Variants in ALG10B observed in about 807,000 individuals in gnomAD.
ALG10B encodes the protein dol-P-Glc:Glc(2)Man(9)GlcNAc(2)-PP-Dol alpha-1,2-glucosyltransferase B.
Under a neutral mutation model 38.7 loss-of-function variants are expected in ALG10B, and 27 were observed. That is an observed-to-expected ratio of 0.70 (90% CI 0.51 to 0.96). ALG10B has a LOEUF of 0.96. Ranked by LOEUF, ALG10B falls within the 40% of genes least tolerant of loss-of-function variation. ALG10B has a pLI of 0.00. For missense variants in ALG10B, 522 were observed against 542.7 expected, an observed-to-expected ratio of 0.96 and a Z score of 0.38; for synonymous variants, 177 against 193.3, an observed-to-expected ratio of 0.92 and a Z score of 0.70.
Position 38,323,815 on chromosome 12 carries a change from A to T in ALG10B, c.*2602A>T. 1.4e-6 allele frequency: 1 copy of T among 692,654 alleles called. No homozygotes were observed. The highest frequency in any genetic ancestry group is 2.6e-6 in the Non-Finnish European group (1 of 381,206). The allele number at this position is 692,654 out of a possible 1,614,324, so 42.9% of individuals were successfully genotyped here. ...TTTTGTCATTAATTTACTATAGTGG[A>T]GAACTAAATCTGGGAAGTCAAAATT... On this transcript the variant is annotated 3_prime_UTR_variant, in exon 3 of 3. Transcript: ENST00000308742.
chr12:38,326,949 T>A lies in ALG10B; in HGVS notation c.*5736T>A, dbSNP rs1945749480. ...GATAAATTTTTGATGAATTTAATGT[T>A]AATTAAATTTTATCTCAGCCTATCA... On this transcript the variant is annotated 3_prime_UTR_variant, in exon 3 of 3. Transcript: ENST00000308742. 3.3e-5 allele frequency: 5 copies of A among 151,344 alleles called. No individual in the cohort carries two copies. In the South Asian group the frequency reaches 1.0e-3, roughly 31 times the overall value. 9.4% of individuals were successfully genotyped at this position (151,344 alleles called of 1,614,324 possible).
At position 38,323,540 on chromosome 12, in the gene ALG10B, ATTAC is replaced by A. The variant is rs1490652081; in HGVS notation, c.*2330_*2333del. 1 of 190,084 alleles carries A rather than the reference ATTAC, an allele frequency of 5.3e-6. No homozygotes were observed. The highest frequency in any genetic ancestry group is 1.1e-5 in the Non-Finnish European group (1 of 92,388). 11.8% of individuals were successfully genotyped at this position (190,084 alleles called of 1,614,324 possible). On this transcript the variant is annotated 3_prime_UTR_variant, in exon 3 of 3. Transcript: ENST00000308742. The stretch of plus-strand genomic sequence containing the variant: ...TTTAAAAGTAGCTATAAGTGAACAA[ATTAC>A]TTTCCCCTCAATGTCAAATTTTGCT...
Position 38,320,886 on chromosome 12 carries a change from A to G in ALG10B, c.1095A>G (p.Arg365=), listed in dbSNP as rs147370346. The G allele has an allele frequency of 1.2e-6, 2 of 1,613,638 alleles. No individual in the cohort carries two copies. Among genetic ancestry groups the G allele is most frequent in the African/African-American group, 2.7e-5 (2 of 74,888 alleles). The change falls in exon 3 of 3, where the codon AGA becomes AGG. Residue 365 remains arginine, a synonymous_variant. Coordinates refer to ENST00000308742, the MANE Select transcript of ALG10B (RefSeq NM_001013620.4). ...ATGTGTGGAAAAGAGTTTTTCAAAG[A>G]TATGCAATTCTGAAATATTTGTTAG... is the stretch of plus-strand genomic sequence containing the variant. ...TFYVWKRVFQ[R]YAILKYLLVP...
At position 38,321,345 on chromosome 12, in the gene ALG10B, T is replaced by A. The variant is rs1235226586; in HGVS notation, c.*132T>A. On this transcript the variant is annotated 3_prime_UTR_variant, in exon 3 of 3. Transcript: ENST00000308742. ...GGTCCTCAAATTACATTAGTTTTTT[T>A]AATATATATTTTAAACATATGTAAG... is the stretch of plus-strand genomic sequence containing the variant. 4 of 900,590 alleles carry A rather than the reference T, an allele frequency of 4.4e-6. No individual in the cohort carries two copies. Among genetic ancestry groups the A allele is most frequent in the East Asian group, 2.9e-5 (1 of 34,896 alleles). 55.8% of individuals were successfully genotyped at this position (900,590 alleles called of 1,614,324 possible).
chr12:38,322,203 T>C lies in ALG10B; in HGVS notation c.*990T>C, dbSNP rs1449098682. On this transcript the variant is annotated 3_prime_UTR_variant, in exon 3 of 3. Transcript: ENST00000308742. ...TTGCAGACAGCAATCTTCACTCCAG[T>C]CTCTGCCTCTGCGTTCACACGGCCT... The C allele has an allele frequency of 1.3e-5, 2 of 152,214 alleles. No individual in the cohort carries two copies. The highest frequency in any genetic ancestry group is 4.8e-5 in the African/African-American group (2 of 41,454). The allele number at this position is 152,214 out of a possible 1,614,324, so 9.4% of individuals were successfully genotyped here.
At position 38,325,079 on chromosome 12, in the gene ALG10B, C is replaced by T. The variant is rs1236570844; in HGVS notation, c.*3866C>T. The T allele has an allele frequency of 2.0e-5, 3 of 152,066 alleles. No individual in the cohort carries two copies. The highest frequency in any genetic ancestry group is 1.3e-4 in the Admixed American group (2 of 15,264). 9.4% of individuals were successfully genotyped at this position (152,066 alleles called of 1,614,324 possible). The stretch of plus-strand genomic sequence containing the variant: ...ATCTTTAGGTAGCATGAGTAAGATT[C>T]AGGTATGCTGTGAATTTTGTTAACG... On this transcript the variant is annotated 3_prime_UTR_variant, in exon 3 of 3. Coordinates refer to ENST00000308742, the MANE Select transcript of ALG10B (RefSeq NM_001013620.4).
rs1378459896 is a variant in ALG10B, at chr12:38,329,329, A to ATAC, written c.*8117_*8119dup. 1 of 397,310 alleles carries ATAC rather than the reference A, an allele frequency of 2.5e-6. No homozygotes were observed. The highest frequency in any genetic ancestry group is 2.1e-5 in the African/African-American group (1 of 48,590). 24.6% of individuals were successfully genotyped at this position (397,310 alleles called of 1,614,324 possible). A position where few individuals can be genotyped will look rare whatever the true frequency, so the allele number is the denominator to read the frequency against. On this transcript the variant is annotated 3_prime_UTR_variant, in exon 3 of 3. Coordinates refer to ENST00000308742, the MANE Select transcript of ALG10B (RefSeq NM_001013620.4). ...GGCTGGAGCCTTCAGCCATATTAAC[A>ATAC]TACATTGACATAAAGACCTTTGTTT...
intron 2 of ALG10B, 60 bp from the exon 3 acceptor site, chr12:38,320,101 G>A (rs1945687641): frequency 1.3e-6 from 2 of 1,594,654 alleles, no homozygotes; most frequent in Non-Finnish European, 1.7e-6. Flanking sequence ...TCTTCATTAG[G>A]TAAGCAGAAA....
chr12:38,325,250 G>A lies in ALG10B; in HGVS notation c.*4037G>A, dbSNP rs767659363. The A allele has an allele frequency of 1.3e-5, 2 of 152,082 alleles. No homozygotes were observed. The highest frequency in any genetic ancestry group is 2.9e-5 in the Non-Finnish European group (2 of 67,988). 9.4% of individuals were successfully genotyped at this position (152,082 alleles called of 1,614,324 possible). On this transcript the variant is annotated 3_prime_UTR_variant, in exon 3 of 3. Coordinates refer to ENST00000308742, the MANE Select transcript of ALG10B (RefSeq NM_001013620.4). ...ATTTTAGCTGTCTGGCCTTTTCTTT[G>A]TCTTCTTAGAGTTATTTCTGAAATG...
At chr12:38,316,752 A>G (rs1158075240), upstream of ALG10B, 5 of 1,420,168 alleles carry the variant, frequency 3.5e-6, no homozygotes, top group African/African-American at 5.6e-5. Flanking sequence ...GCGCTCTCCC[A>G]GCATCCTTTG....
Position 38,321,465 on chromosome 12 carries a change from C to T in ALG10B, c.*252C>T. Reference sequence around the variant, plus strand: ...TTGTTTTCAGATATCTCATATCGCTCTCGTAATGTTGGCCCCTCACAAAGC... The same window carrying T: ...TTGTTTTCAGATATCTCATATCGCTTTCGTAATGTTGGCCCCTCACAAAGC... On this transcript the variant is annotated 3_prime_UTR_variant, in exon 3 of 3. Coordinates refer to ENST00000308742, the MANE Select transcript of ALG10B (RefSeq NM_001013620.4). 3.2e-6 allele frequency: 1 copy of T among 308,000 alleles called. No homozygotes were observed. Among genetic ancestry groups the T allele is most frequent in the South Asian group, 7.9e-5 (1 of 12,670 alleles). The allele number at this position is 308,000 out of a possible 1,614,324, so 19.1% of individuals were successfully genotyped here. A position where few individuals can be genotyped will look rare whatever the true frequency, so the allele number is the denominator to read the frequency against.
chr12:38,318,865 G>A (rs1192758706), intron 2 of ALG10B, among the ~76,000 whole-genome samples: 1 of 152,132 alleles, frequency 6.6e-6, no homozygotes, highest in African/African-American at 2.4e-5. Flanking sequence ...CGATTGCCTG[G>A]GTTAGAATTC....
Position 38,321,629 on chromosome 12 carries a change from A to AC in ALG10B, c.*418dup, listed in dbSNP as rs1302802130. The AC allele has an allele frequency of 6.5e-6, 1 of 152,762 alleles. No homozygotes were observed. The highest frequency in any genetic ancestry group is 6.6e-5 in the Admixed American group (1 of 15,264). The allele number at this position is 152,762 out of a possible 1,614,324, so 9.5% of individuals were successfully genotyped here. ...TTTTGCCATTGAAAGTAATGGCAAA[A>AC]CCACAATTACTTTTGTACCAACCTA... On this transcript the variant is annotated 3_prime_UTR_variant, in exon 3 of 3. Coordinates refer to ENST00000308742, the MANE Select transcript of ALG10B (RefSeq NM_001013620.4).
At position 38,318,469 on chromosome 12, in the gene ALG10B, A is replaced by G. The variant is rs754914348; in HGVS notation, c.369+11A>G. On this transcript the variant is annotated intron_variant, in intron 2 of 2. Transcript: ENST00000308742. ...CAACCCAGAAACAAGGTATGTTTCA[A>G]AATACTTAATTACAAGTTTATGTGT... is the stretch of plus-strand genomic sequence containing the variant. 1 of 1,611,616 alleles carries G rather than the reference A, an allele frequency of 6.2e-7. No individual in the cohort carries two copies. The highest frequency in any genetic ancestry group is 1.1e-5 in the South Asian group (1 of 91,008).
In ALG10B at chr12:38,323,064, T is replaced by C. The variant is rs772041456; in HGVS notation, c.*1851T>C. On this transcript the variant is annotated 3_prime_UTR_variant, in exon 3 of 3. Transcript: ENST00000308742. ...CTTGGTTATTGTGACTTGTCTGCAA[T>C]GAACATAGAGTGCAGACTTCTCTTT... The C allele has an allele frequency of 4.6e-5, 7 of 152,180 alleles. No homozygotes were observed. The highest frequency in any genetic ancestry group is 2.1e-4 in the South Asian group (1 of 4,830). The allele number at this position is 152,180 out of a possible 1,614,324, so 9.4% of individuals were successfully genotyped here.
chr12:38,325,363 G>A lies in ALG10B; in HGVS notation c.*4150G>A, dbSNP rs1383439529. On this transcript the variant is annotated 3_prime_UTR_variant, in exon 3 of 3. Transcript: ENST00000308742. ...CGTAGCTTAATGAAATGTATTTCTA[G>A]TTTGAACTTAATTGCCACTTGGCTT... 6.6e-6 allele frequency: 1 copy of A among 152,148 alleles called. No homozygotes were observed. Among genetic ancestry groups the A allele is most frequent in the African/African-American group, 2.4e-5 (1 of 41,442 alleles). The allele number at this position is 152,148 out of a possible 1,614,324, so 9.4% of individuals were successfully genotyped here.
chr12:38,318,310 G>A lies in ALG10B; in HGVS notation c.221G>A (p.Gly74Glu). The A allele has an allele frequency of 2.5e-6, 4 of 1,614,150 alleles. No homozygotes were observed. In the South Asian group the frequency reaches 3.3e-5, roughly 13 times the overall value. Residue 74 changes from glycine (G) to glutamate (E), a missense_variant, in exon 2 of 3, where the codon GGA becomes GAA. Transcript: ENST00000308742. ...CCTGGCTTGTACCTGGTGTCAGTTG[G>A]AGTGGTCAAACCTGCCATTTGGATC... The part of the protein sequence containing the change: ...TLPGLYLVSV[G>E]VVKPAIWIFA...
At position 38,322,659 on chromosome 12, in the gene ALG10B, CTTAA is replaced by C. The variant is rs1945713387; in HGVS notation, c.*1450_*1453del. 1 of 152,062 alleles carries C rather than the reference CTTAA, an allele frequency of 6.6e-6. No homozygotes were observed. Among genetic ancestry groups the C allele is most frequent in the Non-Finnish European group, 1.5e-5 (1 of 68,008 alleles). The allele number at this position is 152,062 out of a possible 1,614,324, so 9.4% of individuals were successfully genotyped here. The stretch of plus-strand genomic sequence containing the variant: ...ACAGTATTGAAATGTACATACAGTG[CTTAA>C]TTATTAGCTGTATTCACCATGTTGT... On this transcript the variant is annotated 3_prime_UTR_variant, in exon 3 of 3. Coordinates refer to ENST00000308742, the MANE Select transcript of ALG10B (RefSeq NM_001013620.4).
Position 38,320,302 on chromosome 12 carries a change from A to G in ALG10B, c.511A>G (p.Asn171Asp), listed in dbSNP as rs1945689862. 6.2e-7 allele frequency: 1 copy of G among 1,613,928 alleles called. No individual in the cohort carries two copies. Among genetic ancestry groups the G allele is most frequent in the Non-Finnish European group, 8.5e-7 (1 of 1,179,970 alleles). Residue 171 changes from asparagine to aspartate, a missense_variant, in exon 3 of 3, where the codon AAT (asparagine) becomes GAT (aspartate). Transcript: ENST00000308742. ...LFAYLMCLYG[N>D]HKTSAFLGFC... Reference sequence around the variant, plus strand: ...TGCATATTTGATGTGTCTTTATGGAAATCATAAAACTTCAGCCTTCCTTGG... The same window carrying G: ...TGCATATTTGATGTGTCTTTATGGAGATCATAAAACTTCAGCCTTCCTTGG...
Sources: allele counts gnomAD v4.1 joint callset (sites outside exome capture counted in the v4.1 genomes callset), GRCh38; gene constraint gnomAD v4.1.1; transcripts MANE v1.5; gene names NCBI Gene and HGNC (gene_info 2026-07-23, HGNC 2026-07-21).